Variants in AK1 observed in about 807,000 individuals in gnomAD.
AK1 encodes the protein adenylate kinase isoenzyme 1.
Under a neutral mutation model 23.9 loss-of-function variants are expected in AK1, and 13 were observed. The ratio of observed to expected loss-of-function variants is 0.54; its 90% confidence interval spans 0.35 to 0.86. The LOEUF is 0.86. Ranked by LOEUF, AK1 falls within the 40% of genes least tolerant of loss-of-function variation. The pLI is 0.01. For missense variants in AK1, 214 were observed against 255.1 expected (o/e 0.84, Z 1.10); for synonymous variants, 97 against 102.8 (o/e 0.94, Z 0.34).
intron 5 of AK1, among the ~76,000 whole-genome samples, chr9:127,870,823 C>CACGGGG (rs1829382686): frequency 7.0e-6 from 1 of 142,492 alleles, no homozygotes; most frequent in Non-Finnish European, 1.6e-5. Flanking sequence ...GGGAATGGGG[C>CACGGGG]ATGGGAATGG....
chr9:127,873,609 C>T (rs368678347), intron 2 of AK1: 1 of 1,413,182 alleles, frequency 7.1e-7, no homozygotes, highest in Admixed American at 3.1e-5. Context: ...GCATGTGGAA[C>T]TCTTGCCCAG....
At chr9:127,873,729 G>A in intron 2 of AK1, 1 of 985,442 alleles carries the variant, frequency 1.0e-6, no homozygotes, top group Non-Finnish European at 1.2e-6. Context: ...GAGAGGGAAG[G>A]CCTGCTCAAG....
At position 127,873,472 on chromosome 9, in the gene AK1, G is replaced by A. The variant is rs61743911; in HGVS notation, c.8-411C>T. The A allele has an allele frequency of 1.2e-4, 185 of 1,486,794 alleles. No individual in the cohort carries two copies. In the African/African-American group the frequency reaches 2.4e-3, roughly 20 times the overall value. The allele number at this position is 1,486,794 out of a possible 1,614,324, so 92.1% of individuals were successfully genotyped here. On this transcript the variant is annotated intron_variant, in intron 2 of 6. Coordinates refer to ENST00000644144, the MANE Select transcript of AK1 (RefSeq NM_000476.3). ...ATGGTCCCGTCCTGCCGTGTCTCCT[G>A]TGCACCCTGCCCTTCCCCTCTCAGG...
chr9:127,867,639 A>T lies in AK1; in HGVS notation c.*369T>A. 1 of 295,986 alleles carries T rather than the reference A, an allele frequency of 3.4e-6. No homozygotes were observed. The highest frequency in any genetic ancestry group is 3.5e-5 in the South Asian group (1 of 28,212). The allele number at this position is 295,986 out of a possible 1,614,324, so 18.3% of individuals were successfully genotyped here. ...AGCCCCTCGGAGCAGGGGCCCCGCC[A>T]CTCAGCGCCGGGTCCTCAGGCCAGG... is the stretch of plus-strand genomic sequence containing the variant. On this transcript the variant is annotated 3_prime_UTR_variant, in exon 7 of 7. Coordinates refer to ENST00000644144, the MANE Select transcript of AK1 (RefSeq NM_000476.3).
chr9:127,867,790 CA>C lies in AK1; in HGVS notation c.*217del. On this transcript the variant is annotated 3_prime_UTR_variant, in exon 7 of 7. Transcript: ENST00000644144. ...GGACTTGCGGCCAGGTAGGCACAAGCACATGAATCAACTCCAACTGGAAGCA... is the reference window on the plus strand; with the variant it reads ...GGACTTGCGGCCAGGTAGGCACAAGCCATGAATCAACTCCAACTGGAAGCA... The C allele has an allele frequency of 1.8e-6, 1 of 554,206 alleles. No individual in the cohort carries two copies. Among genetic ancestry groups the C allele is most frequent in the South Asian group, 2.0e-5 (1 of 50,018 alleles). The allele number at this position is 554,206 out of a possible 1,614,324, so 34.3% of individuals were successfully genotyped here.
At chr9:127,870,801 G>A (rs1290554527) in intron 5 of AK1, among the ~76,000 whole-genome samples, 3 of 7,316 alleles carry the variant, frequency 4.1e-4, no homozygotes, top group Non-Finnish European at 9.3e-4. Flanking sequence ...AGGCCCTACG[G>A]AGACGGGGCA....
Position 127,866,570 on chromosome 9 carries a change from C to G in AK1, c.*1438G>C, listed in dbSNP as rs182437286. 2.0e-5 allele frequency: 3 copies of G among 152,356 alleles called. No individual in the cohort carries two copies. Among genetic ancestry groups the G allele is most frequent in the Admixed American group, 2.0e-4 (3 of 15,304 alleles). The allele number at this position is 152,356 out of a possible 1,614,324, so 9.4% of individuals were successfully genotyped here. A position where few individuals can be genotyped will look rare whatever the true frequency, so the allele number is the denominator to read the frequency against. ...AACCAGCCCCACTTGCCATGAACAG[C>G]CCCAACTGTTCGGATTTCATTCGGG... On this transcript the variant is annotated 3_prime_UTR_variant, in exon 7 of 7. Coordinates refer to ENST00000644144, the MANE Select transcript of AK1 (RefSeq NM_000476.3).
intron 1 of AK1, among the ~76,000 whole-genome samples, chr9:127,875,665 G>A (rs1402520817): frequency 7.3e-5 from 11 of 151,174 alleles, no homozygotes; most frequent in East Asian, 2.0e-4. Flanking sequence ...CCATGCCCCC[G>A]AGACAGGCCC....
intron 2 of AK1, chr9:127,873,692 CA>C: frequency 7.4e-7 from 1 of 1,355,974 alleles, no homozygotes. Flanking sequence ...GCCACAGCCC[CA>C]CTGGGCAGAG....
chr9:127,872,037 TC>T, intron 4 of AK1, 98 bp from the exon 5 acceptor site: 1 of 1,040,898 alleles, frequency 9.6e-7, no homozygotes, highest in South Asian at 1.3e-5. Context: ...AAATGCCCTC[TC>T]CCCAACACAA....
chr9:127,868,609 T>C lies in AK1; in HGVS notation c.325-97A>G. 7.3e-7 allele frequency: 1 copy of C among 1,377,058 alleles called. No individual in the cohort carries two copies. The highest frequency in any genetic ancestry group is 1.0e-6 in the Non-Finnish European group (1 of 1,000,934). 85.3% of individuals were successfully genotyped at this position (1,377,058 alleles called of 1,614,324 possible). The stretch of plus-strand genomic sequence containing the variant: ...CTATGAAGCCCCAGTAGATACCCCC[T>C]CAGACCTTCAATCCCTTCCCCAAGG... On this transcript the variant is annotated intron_variant, in intron 5 of 6. Coordinates refer to ENST00000644144, the MANE Select transcript of AK1 (RefSeq NM_000476.3). This position sits in a 1 kb window ranked among gnomAD's most constrained non-coding sequence, Gnocchi z 4.1.
At chr9:127,872,896 C>T in intron 3 of AK1, 43 bp from the exon 4 acceptor site, 1 of 1,613,546 alleles carries the variant, frequency 6.2e-7, no homozygotes, top group Non-Finnish European at 8.5e-7. Flanking sequence ...ACACAGGGTC[C>T]CAGGAGGAAC....
In AK1 at chr9:127,871,843, C is replaced by T; in HGVS notation, c.304G>A (p.Gly102Arg). ...IDGYPREVQQ[G>R]EEFERRIGQP... ...CTTACCCGTCGCTCAAACTCTTCTC[C>T]TTGCTGCACCTCCCGCGGGTAGCCA... Residue 102 changes from glycine to arginine, a missense_variant, in exon 5 of 7, where the codon GGA (glycine) becomes AGA (arginine). By Grantham distance (125) the Gly-to-Arg change is moderately radical. Transcript: ENST00000644144. This position sits in a 1 kb window ranked among gnomAD's most constrained non-coding sequence, Gnocchi z 4.4. 6.2e-7 allele frequency: 1 copy of T among 1,614,184 alleles called. No individual in the cohort carries two copies. Among genetic ancestry groups the T allele is most frequent in the African/African-American group, 1.3e-5 (1 of 75,038 alleles).
At position 127,867,621 on chromosome 9, in the gene AK1, C is replaced by T. The variant is rs185838589; in HGVS notation, c.*387G>A. The stretch of plus-strand genomic sequence containing the variant: ...CGGTTCTGCCTGAACATGAGCCCCT[C>T]GGAGCAGGGGCCCCGCCACTCAGCG... On this transcript the variant is annotated 3_prime_UTR_variant, in exon 7 of 7. Transcript: ENST00000644144. The T allele has an allele frequency of 7.8e-4, 222 of 284,240 alleles. No homozygotes were observed. The highest frequency in any genetic ancestry group is 4.1e-3 in the African/African-American group (185 of 45,566). 17.6% of individuals were successfully genotyped at this position (284,240 alleles called of 1,614,324 possible). A position where few individuals can be genotyped will look rare whatever the true frequency, so the allele number is the denominator to read the frequency against.
intron 2 of AK1, chr9:127,873,497 G>T: frequency 6.9e-7 from 1 of 1,454,576 alleles, no homozygotes. Flanking sequence ...CCCCTCTCAG[G>T]CCCTGGGCCG....
Position 127,867,915 on chromosome 9 carries a change from G to T in AK1, c.*93C>A. On this transcript the variant is annotated 3_prime_UTR_variant, in exon 7 of 7. Coordinates refer to ENST00000644144, the MANE Select transcript of AK1 (RefSeq NM_000476.3). The stretch of plus-strand genomic sequence containing the variant: ...GGCTTCCTCCGTCTGTGCTCAGCAG[G>T]GCAGGGTGGAGGCGCTGCGCTCAGG... The T allele has an allele frequency of 8.1e-7, 1 of 1,236,996 alleles. No homozygotes were observed. The highest frequency in any genetic ancestry group is 1.2e-6 in the Non-Finnish European group (1 of 837,178). The allele number at this position is 1,236,996 out of a possible 1,614,324, so 76.6% of individuals were successfully genotyped here. A position where few individuals can be genotyped will look rare whatever the true frequency, so the allele number is the denominator to read the frequency against.
At position 127,872,780 on chromosome 9, in the gene AK1, G is replaced by A. The variant is rs370619008; in HGVS notation, c.117C>T (p.Thr39=). Residue 39 remains threonine (T), a synonymous_variant, in exon 4 of 7, where the codon ACC becomes ACT. Coordinates refer to ENST00000644144, the MANE Select transcript of AK1 (RefSeq NM_000476.3). ...TGACCTCGGACCGCAGGAGGTCCCC[G>A]GTGGAGAGGTGGGTGTAGCCATACT... ...VQKYGYTHLS[T]GDLLRSEVSS... 5.0e-6 allele frequency: 8 copies of A among 1,613,978 alleles called. No individual in the cohort carries two copies. The highest frequency in any genetic ancestry group is 2.2e-5 in the South Asian group (2 of 91,084).
chr9:127,871,756 GC>G lies in AK1; in HGVS notation c.324+66del. 1 of 1,361,906 alleles carries G rather than the reference GC, an allele frequency of 7.3e-7. No individual in the cohort carries two copies. The allele number at this position is 1,361,906 out of a possible 1,614,324, so 84.4% of individuals were successfully genotyped here. Reference sequence around the variant, plus strand: ...CCTGCATCACAGCCCCCGCAGGCCCGCCCATGGGGATGGGAGTCTTATCCTG... The same window carrying G: ...CCTGCATCACAGCCCCCGCAGGCCCGCCATGGGGATGGGAGTCTTATCCTG... On this transcript the variant is annotated intron_variant, in intron 5 of 6. Transcript: ENST00000644144. The surrounding 1 kb of genome is among the most constrained non-coding windows in gnomAD (Gnocchi z 4.4).
At chr9:127,869,990 C>T (rs1031392291) in intron 5 of AK1, among the ~76,000 whole-genome samples, 5 of 152,148 alleles carry the variant, frequency 3.3e-5, no homozygotes, top group African/African-American at 7.2e-5. Flanking sequence ...GAGTCCACAA[C>T]GGGCACTGCC....
Sources: gnomAD v4.1 joint callset for allele counts (sites outside exome capture counted in the v4.1 genomes callset) on GRCh38, gnomAD v4.1.1 for gene constraint, Gnocchi (gnomAD v3.1) non-coding constraint, MANE v1.5 for transcripts, NCBI Gene and HGNC (gene_info 2026-07-23, HGNC 2026-07-21) for gene names.